The following MCTP1 variants were observed in gnomAD, a reference collection of about 807,000 sequenced individuals.
MCTP1 encodes multiple C2 and transmembrane domain-containing protein 1.
A neutral mutation model predicts 120.6 loss-of-function variants in MCTP1; 69 were observed. The observed-to-expected ratio is 0.57, with a 90% confidence interval of 0.47 to 0.70. The LOEUF is 0.70. MCTP1 is among the 30% of genes least tolerant of loss of function. The pLI is 0.00. For missense variants in MCTP1, 1,203 were observed against 1,248.8 expected, an observed-to-expected ratio of 0.96 and a Z score of 0.55; for synonymous variants, 529 against 493.1, an observed-to-expected ratio of 1.07 and a Z score of -0.96.
rs141074801 is a variant in MCTP1 at position 94,844,119 on chromosome 5, A to G, written c.2436+24214T>C. On this transcript the variant is annotated intron_variant, in intron 17 of 22. Transcript: ENST00000515393. The stretch of plus-strand genomic sequence containing the variant: ...GGAGTTCTTGACCAGCCTGACTAAC[A>G]TGGTGAAACCCTGTCTCTACTAAAA... Among the ~76,000 whole-genome samples the G allele has an allele frequency of 3.3e-3, 500 of 152,126 alleles. 4 individuals carry two copies. Among genetic ancestry groups the G allele is most frequent in the African/African-American group, 0.011 (477 of 41,516 alleles).
chr5:95,053,919 T>C (rs1353228877), intron 1 of MCTP1, among the ~76,000 whole-genome samples: 3 of 152,240 alleles, frequency 2.0e-5, no homozygotes, highest in Non-Finnish European at 4.4e-5. Flanking sequence ...ATACAAATCA[T>C]GTGTCTTCTA....
chr5:94,719,233 T>C (rs1214887898), intron 19 of MCTP1, among the ~76,000 whole-genome samples: 1 of 152,196 alleles, frequency 6.6e-6, no homozygotes, highest in Non-Finnish European at 1.5e-5. Context: ...AGTTCAACCA[T>C]TGTGGAAGAC....
intron 3 of MCTP1, among the ~76,000 whole-genome samples, chr5:94,948,236 C>G (rs1212138841): frequency 6.6e-6 from 1 of 152,002 alleles, no homozygotes; most frequent in Non-Finnish European, 1.5e-5. Context: ...TCTCATGTAC[C>G]CATACAAAAG....
intron 1 of MCTP1, among the ~76,000 whole-genome samples, chr5:95,209,416 A>T (rs1752060841): frequency 6.6e-6 from 1 of 152,024 alleles, no homozygotes; most frequent in Admixed American, 6.6e-5. Context: ...TCCTTCTGTC[A>T]CACCTACAGT....
At chr5:94,889,232 T>G (rs1801997458) in intron 11 of MCTP1, among the ~76,000 whole-genome samples, 1 of 152,166 alleles carries the variant, frequency 6.6e-6, no homozygotes, top group African/African-American at 2.4e-5. Flanking sequence ...CATAAGAACT[T>G]AAGTAGTTTT....
chr5:94,887,256 A>G (rs1271898175), intron 12 of MCTP1, among the ~76,000 whole-genome samples: 2 of 152,198 alleles, frequency 1.3e-5, no homozygotes, highest in Admixed American at 1.3e-4. Context: ...GGAAAAGGCT[A>G]TTGTTATTCA....
intron 1 of MCTP1, among the ~76,000 whole-genome samples, chr5:95,182,790 G>A (rs1463389290): frequency 2.0e-5 from 3 of 152,180 alleles, no homozygotes; most frequent in East Asian, 1.9e-4. Flanking sequence ...CTGGGAGGCC[G>A]AGGCGGGTGG....
intron 17 of MCTP1, chr5:94,867,091 C>T: frequency 1.8e-6 from 1 of 560,588 alleles, no homozygotes; most frequent in Non-Finnish European, 2.7e-6. Context: ...ATCATTTTTT[C>T]TCATCAATGT....
chr5:94,797,942 G>C (rs976214661), intron 18 of MCTP1, among the ~76,000 whole-genome samples: 2 of 151,978 alleles, frequency 1.3e-5, no homozygotes, highest in South Asian at 2.1e-4. Context: ...TTGAAGGTAT[G>C]TATGCAACCA....
In MCTP1 at chr5:94,923,922, CA is replaced by C. The variant is rs1812344134; in HGVS notation, c.1272+39del. ...AACTTTCAAAATTGCTATCCAAAAC[CA>C]AAAATCAAGAATATTAACAAAAAGG... On this transcript the variant is annotated intron_variant, in intron 7 of 22. Transcript: ENST00000515393. 6 of 1,362,340 alleles carry C rather than the reference CA, an allele frequency of 4.4e-6. No homozygotes were observed. In the South Asian group the frequency reaches 8.5e-5, roughly 19 times the overall value. 84.4% of individuals were successfully genotyped at this position (1,362,340 alleles called of 1,614,324 possible).
rs1032637007 is a variant in MCTP1, at chr5:95,029,309, T to C, written c.721-11825A>G. On this transcript the variant is annotated intron_variant, in intron 1 of 22. Coordinates refer to ENST00000515393, the MANE Select transcript of MCTP1 (RefSeq NM_024717.7). ...AAGACATGGACACAAAGCCTAGTTA[T>C]GGTATTAAATTGCTGTGAGGCATAG... 5.4e-4 allele frequency among the ~76,000 whole-genome samples: 82 copies of C among 152,100 alleles called. 2 individuals are homozygous for C. Among genetic ancestry groups the C allele is most frequent in the Admixed American group, 6.5e-5 (1 of 15,274 alleles).
chr5:95,024,018 G>C (rs1170963945), intron 1 of MCTP1: 18 of 420,360 alleles, frequency 4.3e-5, no homozygotes, highest in Non-Finnish European at 7.1e-5. Flanking sequence ...TTGGATGTAT[G>C]ACTTGCAAAT....
At chr5:94,752,973 GA>G (rs1372065307) in intron 19 of MCTP1, among the ~76,000 whole-genome samples, 4 of 152,206 alleles carry the variant, frequency 2.6e-5, no homozygotes, top group Non-Finnish European at 5.9e-5. Context: ...TCCAAGTTTT[GA>G]AGTTTAGCAA....
Position 95,019,878 on chromosome 5 carries a change from T to C in MCTP1, c.721-2394A>G, listed in dbSNP as rs116556858. On this transcript the variant is annotated intron_variant, in intron 1 of 22. Coordinates refer to ENST00000515393, the MANE Select transcript of MCTP1 (RefSeq NM_024717.7). ...TGGAAAGAAAGGAAGCCAATCAAGA[T>C]TTTCTAAACAACTTTTCAAAGAACA... Among the ~76,000 whole-genome samples, 563 of 152,174 alleles carry C rather than the reference T, an allele frequency of 3.7e-3. 3 individuals are homozygous for C. Among genetic ancestry groups the C allele is most frequent in the African/African-American group, 0.013 (526 of 41,568 alleles).
In MCTP1 at chr5:94,751,510, G is replaced by T. The variant is rs189854446; in HGVS notation, c.2610+27600C>A. ...AAAAGTGACCTGGAGAATGTAAATGGCAGTTTATTAATATGTGCGAGGGCT... is the reference window on the plus strand; with the variant it reads ...AAAAGTGACCTGGAGAATGTAAATGTCAGTTTATTAATATGTGCGAGGGCT... On this transcript the variant is annotated intron_variant, in intron 19 of 22. Coordinates refer to ENST00000515393, the MANE Select transcript of MCTP1 (RefSeq NM_024717.7). Among the ~76,000 whole-genome samples, 264 of 152,116 alleles carry T rather than the reference G, an allele frequency of 1.7e-3. 1 individual carries two copies. The highest frequency in any genetic ancestry group is 6.2e-3 in the African/African-American group (259 of 41,470).
rs1302940071 is a variant in MCTP1, at chr5:94,834,437, T to C, written c.2436+33896A>G. Among the ~76,000 whole-genome samples the C allele has an allele frequency of 3.3e-5, 5 of 152,376 alleles. No homozygotes were observed. The East Asian group carries it at 9.6e-4, about 29-fold the overall frequency. The stretch of plus-strand genomic sequence containing the variant: ...CAATGTGCAGAAAGATACAAGCCAC[T>C]GTGCATCTGATTCCCAAGGCACAAG... On this transcript the variant is annotated intron_variant, in intron 17 of 22. Coordinates refer to ENST00000515393, the MANE Select transcript of MCTP1 (RefSeq NM_024717.7).
At chr5:95,188,811 A>T (rs1315811801) in intron 1 of MCTP1, among the ~76,000 whole-genome samples, 2 of 152,082 alleles carry the variant, frequency 1.3e-5, no homozygotes, top group Non-Finnish European at 2.9e-5. Context: ...CTAAATATAC[A>T]CACACACACT....
At chr5:94,723,555 GTTT>G (rs34151976) in intron 19 of MCTP1, among the ~76,000 whole-genome samples, 1 of 149,436 alleles carries the variant, frequency 6.7e-6, no homozygotes, top group Non-Finnish European at 1.5e-5. Context: ...ACTTGGCAGA[GTTT>G]TTTTTTTGTT....
At chr5:95,062,742 G>A (rs973329510) in intron 1 of MCTP1, among the ~76,000 whole-genome samples, 2 of 152,150 alleles carry the variant, frequency 1.3e-5, no homozygotes, top group Non-Finnish European at 1.5e-5. Flanking sequence ...AAATGATGGC[G>A]ATTATCCAGA....
Sources: gnomAD v4.1 joint callset for allele counts (sites outside exome capture counted in the v4.1 genomes callset) on GRCh38, gnomAD v4.1.1 for gene constraint, MANE v1.5 for transcripts, NCBI Gene and HGNC (gene_info 2026-07-23, HGNC 2026-07-21) for gene names.